GRID1: variants seen among roughly 807,000 people sequenced by gnomAD.
GRID1 encodes glutamate receptor ionotropic, delta-1.
A neutral mutation model predicts 98.0 loss-of-function variants in GRID1; 28 were observed. That is an observed-to-expected ratio of 0.29 (90% CI 0.21 to 0.39). The LOEUF (loss-of-function observed/expected upper bound fraction) is 0.39. Ranked by LOEUF, GRID1 falls within the 10% of genes least tolerant of loss-of-function variation. The pLI is 1.00. For missense variants in GRID1, 1,111 were observed against 1,340.5 expected (o/e 0.83, Z 2.67); for synonymous variants, 553 against 538.5 (o/e 1.03, Z -0.37).
At chr10:86,009,960 G>C (rs1025739790) in intron 4 of GRID1, among the ~76,000 whole-genome samples, 2 of 152,152 alleles carry the variant, frequency 1.3e-5, no homozygotes, top group Non-Finnish European at 1.5e-5. Flanking sequence ...CCACTTCCTT[G>C]ACTCCAGACA....
At chr10:85,757,361 T>C (rs1391117481) in intron 8 of GRID1, among the ~76,000 whole-genome samples, 3 of 152,260 alleles carry the variant, frequency 2.0e-5, no homozygotes, top group Non-Finnish European at 1.5e-5. Context: ...GTCTTCAGGA[T>C]GCTGAGAGGA....
chr10:86,127,167 T>A (rs1451742544), intron 4 of GRID1, among the ~76,000 whole-genome samples: 1 of 152,180 alleles, frequency 6.6e-6, no homozygotes, highest in African/African-American at 2.4e-5. Flanking sequence ...AACTGAGTAG[T>A]CGCTGTTCTT....
At chr10:86,230,569 T>C (rs1846435154) in intron 2 of GRID1, among the ~76,000 whole-genome samples, 1 of 152,182 alleles carries the variant, frequency 6.6e-6, no homozygotes, top group African/African-American at 2.4e-5. Context: ...CGAGGAAACA[T>C]GCATTTCTTT....
intron 4 of GRID1, among the ~76,000 whole-genome samples, chr10:86,030,748 G>C (rs1381183376): frequency 6.6e-6 from 1 of 152,228 alleles, no homozygotes; most frequent in African/African-American, 2.4e-5. Context: ...GGAGTCCTCA[G>C]TAAGGCTTTC....
intron 8 of GRID1, among the ~76,000 whole-genome samples, chr10:85,776,710 T>G (rs564128518): frequency 6.6e-6 from 1 of 152,332 alleles, no homozygotes; most frequent in East Asian, 1.9e-4. Flanking sequence ...GTGATCCAGG[T>G]GCCCAACATC....
intron 8 of GRID1, among the ~76,000 whole-genome samples, chr10:85,806,122 A>G: frequency 7.9e-6 from 1 of 126,532 alleles, no homozygotes; most frequent in East Asian, 2.0e-4. Flanking sequence ...TCAATCAAAG[A>G]AGACAAGCAA....
At chr10:86,329,318 G>C (rs1263048668) in intron 2 of GRID1, among the ~76,000 whole-genome samples, 1 of 152,186 alleles carries the variant, frequency 6.6e-6, no homozygotes, top group African/African-American at 2.4e-5. Flanking sequence ...CCCTCCTCTA[G>C]GGCCCTCCAA....
At chr10:85,889,710 G>T (rs1044892334) in intron 5 of GRID1, among the ~76,000 whole-genome samples, 11 of 152,244 alleles carry the variant, frequency 7.2e-5, no homozygotes, top group Non-Finnish European at 1.5e-4. Context: ...AAGTGGGATT[G>T]CTGGTTCATA....
At chr10:86,275,511 G>A (rs1847255807) in intron 2 of GRID1, among the ~76,000 whole-genome samples, 2 of 151,678 alleles carry the variant, frequency 1.3e-5, no homozygotes, top group Admixed American at 6.6e-5. Flanking sequence ...GGAAGACATG[G>A]ACAAAGAACT....
chr10:86,320,730 G>T (rs1847958564), intron 2 of GRID1, among the ~76,000 whole-genome samples: 5 of 152,238 alleles, frequency 3.3e-5, no homozygotes, highest in Non-Finnish European at 5.9e-5. Flanking sequence ...TCTACCTTAG[G>T]AAAATGCTCC....
chr10:85,767,396 G>A (rs146388563), intron 8 of GRID1, among the ~76,000 whole-genome samples: 103 of 152,212 alleles, frequency 6.8e-4, no homozygotes, highest in African/African-American at 2.2e-3. Flanking sequence ...TTTTGGGTGT[G>A]TTAGCTGACT....
At chr10:85,880,482 A>G (rs941079985) in intron 5 of GRID1, among the ~76,000 whole-genome samples, 19 of 152,246 alleles carry the variant, frequency 1.2e-4, no homozygotes, top group Admixed American at 7.2e-4. Context: ...GCAAATCAAT[A>G]AATGTAATCC....
At chr10:86,208,355 C>T (rs1172544776) in intron 2 of GRID1, among the ~76,000 whole-genome samples, 1 of 152,168 alleles carries the variant, frequency 6.6e-6, no homozygotes, top group African/African-American at 2.4e-5. Flanking sequence ...CCTACCCCAG[C>T]TCCAGTCTGC....
chr10:86,022,847 G>A (rs1843067330), intron 4 of GRID1, among the ~76,000 whole-genome samples: 1 of 151,774 alleles, frequency 6.6e-6, no homozygotes, highest in Admixed American at 6.6e-5. Context: ...GAACCCAGGA[G>A]GTGGAGGTTG....
At chr10:85,646,538 A>G (rs1713702192) in intron 13 of GRID1, 1 of 153,098 alleles carries the variant, frequency 6.5e-6, no homozygotes, top group African/African-American at 2.4e-5. Flanking sequence ...GCTGAATTCG[A>G]GTCATTGTGG....
intron 6 of GRID1, among the ~76,000 whole-genome samples, chr10:85,856,531 C>G (rs568970326): frequency 6.6e-6 from 1 of 152,086 alleles, no homozygotes; most frequent in Non-Finnish European, 1.5e-5. Context: ...GAAAGCTCAG[C>G]GTTGAAGGAT....
chr10:85,697,669 C>T (rs747743483), intron 12 of GRID1, among the ~76,000 whole-genome samples: 1 of 152,126 alleles, frequency 6.6e-6, no homozygotes. Context: ...TATGAACCAC[C>T]TTCCTTTACA....
chr10:85,713,771 A>T (rs1384973086), intron 12 of GRID1, among the ~76,000 whole-genome samples: 1 of 151,986 alleles, frequency 6.6e-6, no homozygotes, highest in Non-Finnish European at 1.5e-5. Flanking sequence ...ATCTCAAAAG[A>T]TGTAGAAAAA....
chr10:86,169,230 G>A (rs552977829), intron 3 of GRID1, among the ~76,000 whole-genome samples: 6 of 152,184 alleles, frequency 3.9e-5, no homozygotes, highest in African/African-American at 1.4e-4. Flanking sequence ...GGTGCCTTCC[G>A]GCAATGACCT....
Sources: allele counts gnomAD v4.1 joint callset (sites outside exome capture counted in the v4.1 genomes callset), GRCh38; gene constraint gnomAD v4.1.1; transcripts MANE v1.5; gene names NCBI Gene and HGNC (gene_info 2026-07-23, HGNC 2026-07-21).